EBF1: variants seen among roughly 807,000 people sequenced by gnomAD.
The protein encoded by EBF1 is EBF transcription factor 1.
EBF1 carries 10 observed loss-of-function variants against 68.4 expected under a neutral mutation model. That is an observed-to-expected ratio of 0.15 (90% CI 0.09 to 0.25). The LOEUF is 0.25. Among genes scored for constraint, EBF1 ranks in the 10% least tolerant of loss-of-function variants. The pLI, the probability that EBF1 is intolerant of heterozygous loss-of-function variation, is 1.00. For synonymous variants in EBF1, 298 were observed against 299.8 expected (o/e 0.99, Z 0.06); for missense variants, 509 against 794.4 (o/e 0.64, Z 4.32).
chr5:158,772,350 G>A (rs983838284), intron 10 of EBF1, among the ~76,000 whole-genome samples: 4 of 152,084 alleles, frequency 2.6e-5, no homozygotes, highest in African/African-American at 9.7e-5. Context: ...AGCTGGAGTT[G>A]AAGCTGATTA....
intron 6 of EBF1, among the ~76,000 whole-genome samples, chr5:158,993,780 T>A (rs1760843447): frequency 6.6e-6 from 1 of 152,110 alleles, no homozygotes; most frequent in Non-Finnish European, 1.5e-5. Context: ...AGAACCAAGA[T>A]CACAAACCAG....
chr5:158,729,243 G>A (rs1024003379), intron 11 of EBF1, among the ~76,000 whole-genome samples: 22 of 152,164 alleles, frequency 1.4e-4, no homozygotes, highest in African/African-American at 5.3e-4. Flanking sequence ...TTTGACCTAG[G>A]TTGCATAGCT....
At chr5:158,823,108 G>A in intron 8 of EBF1, 68 bp downstream of exon 8, 1 of 1,601,494 alleles carries the variant, frequency 6.2e-7, no homozygotes, top group Non-Finnish European at 8.6e-7. Flanking sequence ...GTGGTGGAGT[G>A]GAAGAAAGAA....
chr5:158,735,003 T>C (rs369189148), intron 10 of EBF1, among the ~76,000 whole-genome samples: 21 of 152,324 alleles, frequency 1.4e-4, no homozygotes, highest in African/African-American at 4.8e-4. Context: ...GGCCAATGTA[T>C]GCATTTTAAA....
At chr5:158,704,112 C>A (rs985172452) in intron 15 of EBF1, among the ~76,000 whole-genome samples, 4 of 152,192 alleles carry the variant, frequency 2.6e-5, no homozygotes, top group African/African-American at 9.7e-5. Flanking sequence ...TGGGGACAAG[C>A]CACCTTAGCT....
At chr5:158,842,917 G>A (rs769559933) in intron 6 of EBF1, among the ~76,000 whole-genome samples, 3 of 152,218 alleles carry the variant, frequency 2.0e-5, no homozygotes, top group Non-Finnish European at 2.9e-5. Flanking sequence ...TCCAGAGACT[G>A]TACTCTTAAC....
chr5:159,097,740 G>C, intron 1 of EBF1: 2 of 233,474 alleles, frequency 8.6e-6, no homozygotes, highest in Non-Finnish European at 1.7e-5. Flanking sequence ...GTGAAAAAGG[G>C]AAGAGGGGTG....
At chr5:158,844,458 G>C (rs1366320132) in intron 6 of EBF1, among the ~76,000 whole-genome samples, 1 of 152,122 alleles carries the variant, frequency 6.6e-6, no homozygotes, top group Non-Finnish European at 1.5e-5. Flanking sequence ...CTCGTAAATT[G>C]ACCGAAAGGA....
At chr5:158,939,827 C>T (rs1339980439) in intron 6 of EBF1, among the ~76,000 whole-genome samples, 1 of 152,164 alleles carries the variant, frequency 6.6e-6, no homozygotes, top group Non-Finnish European at 1.5e-5. Flanking sequence ...GGAAATCTGT[C>T]CTTCTTGGAC....
At chr5:158,813,208 G>A (rs1783041318) in intron 8 of EBF1, among the ~76,000 whole-genome samples, 1 of 152,088 alleles carries the variant, frequency 6.6e-6, no homozygotes, top group Non-Finnish European at 1.5e-5. Flanking sequence ...AGCAATAATA[G>A]CTGTGAGATC....
chr5:158,711,076 C>T (rs1413867758), intron 14 of EBF1, among the ~76,000 whole-genome samples: 1 of 152,182 alleles, frequency 6.6e-6, no homozygotes, highest in Non-Finnish European at 1.5e-5. Flanking sequence ...AGAGACAAGG[C>T]ACCAAAGAAC....
intron 9 of EBF1, among the ~76,000 whole-genome samples, chr5:158,792,014 G>T (rs1002685350): frequency 6.6e-5 from 10 of 152,124 alleles, no homozygotes; most frequent in African/African-American, 2.4e-4. Flanking sequence ...AGAAGCAGGA[G>T]CCCCTCCCTG....
At chr5:158,735,106 G>T (rs532164946) in intron 10 of EBF1, among the ~76,000 whole-genome samples, 4 of 152,270 alleles carry the variant, frequency 2.6e-5, no homozygotes, top group African/African-American at 9.6e-5. Context: ...TCGTAGGAAT[G>T]AACTGTTTAG....
At chr5:158,754,605 A>G (rs762357377) in intron 10 of EBF1, among the ~76,000 whole-genome samples, 3 of 152,142 alleles carry the variant, frequency 2.0e-5, no homozygotes, top group Non-Finnish European at 4.4e-5. Flanking sequence ...TATTCTGTCA[A>G]TAACTTTTCC....
rs1416966989 is a variant in EBF1 at position 158,698,646 on chromosome 5, T to C, written c.*465A>G. On this transcript the variant is annotated 3_prime_UTR_variant, in exon 16 of 16. Transcript: ENST00000313708. ...CCTATTCTGTCCCATACAAGCTTTT[T>C]TTTTTTTCCTTTTTTTCTTTTTTTT... 2 of 194,456 alleles carry C rather than the reference T, an allele frequency of 1.0e-5. No homozygotes were observed. The highest frequency in any genetic ancestry group is 8.1e-5 in the East Asian group (1 of 12,320). The allele number at this position is 194,456 out of a possible 1,614,324, so 12.0% of individuals were successfully genotyped here.
At chr5:158,909,333 CTGGTT>C (rs979089466) in intron 6 of EBF1, among the ~76,000 whole-genome samples, 20 of 151,984 alleles carry the variant, frequency 1.3e-4, no homozygotes, top group African/African-American at 3.9e-4. Flanking sequence ...TTCTGTTTGG[CTGGTT>C]TGGTTTGGTT....
At chr5:158,877,351 A>G (rs1797997697) in intron 6 of EBF1, among the ~76,000 whole-genome samples, 1 of 152,178 alleles carries the variant, frequency 6.6e-6, no homozygotes. Context: ...TGAAAAGGCG[A>G]GCAGAGGCAC....
At chr5:158,800,471 A>T (rs1327911804) in intron 8 of EBF1, among the ~76,000 whole-genome samples, 2 of 152,210 alleles carry the variant, frequency 1.3e-5, no homozygotes, top group African/African-American at 4.8e-5. Flanking sequence ...AATTTTTTCA[A>T]TGTGTACAAA....
intron 6 of EBF1, among the ~76,000 whole-genome samples, chr5:159,034,591 G>A (rs1168569360): frequency 6.6e-6 from 1 of 152,152 alleles, no homozygotes; most frequent in Non-Finnish European, 1.5e-5. Flanking sequence ...CCTGACAGAG[G>A]AGAGAGTATT....
Sources: allele counts gnomAD v4.1 joint callset (sites outside exome capture counted in the v4.1 genomes callset), GRCh38; gene constraint gnomAD v4.1.1; transcripts MANE v1.5; gene names NCBI Gene and HGNC (gene_info 2026-07-23, HGNC 2026-07-21).